The following CTNNAL1 variants were observed in gnomAD, a reference collection of about 807,000 sequenced individuals.
The protein encoded by CTNNAL1 is alpha-catulin.
In CTNNAL1, 69 loss-of-function variants were observed where a neutral mutation model predicts 93.6. The observed-to-expected ratio is 0.74, with a 90% confidence interval of 0.61 to 0.90. CTNNAL1 has a LOEUF of 0.90. Ranked by LOEUF, CTNNAL1 falls within the 40% of genes least tolerant of loss-of-function variation. The pLI, the probability that CTNNAL1 is intolerant of heterozygous loss-of-function variation, is 0.00. For synonymous variants in CTNNAL1, 286 were observed against 305.4 expected, an observed-to-expected ratio of 0.94 and a Z score of 0.66; for missense variants, 836 against 862.0, an observed-to-expected ratio of 0.97 and a Z score of 0.38.
chr9:108,966,557 G>A (rs1052093258), intron 10 of CTNNAL1, among the ~76,000 whole-genome samples: 1 of 152,134 alleles, frequency 6.6e-6, no homozygotes, highest in Non-Finnish European at 1.5e-5. Context: ...TAGGGACTTT[G>A]AGGTCCTGAG....
rs28361176 is a variant in CTNNAL1, at chr9:108,948,096, C to A, written c.1884+90G>T. On this transcript the variant is annotated intron_variant, in intron 15 of 18. Coordinates refer to ENST00000325551, the MANE Select transcript of CTNNAL1 (RefSeq NM_003798.4). ...AGGTAGGTACAGATGTAAGCATATA[C>A]ACATGATATAATAAATCATCTGGAA... 3.8e-5 allele frequency: 54 copies of A among 1,407,260 alleles called. 2 individuals carry two copies. The South Asian group carries it at 6.0e-4, about 16-fold the overall frequency. 87.2% of individuals were successfully genotyped at this position (1,407,260 alleles called of 1,614,324 possible). A position where few individuals can be genotyped will look rare whatever the true frequency, so the allele number is the denominator to read the frequency against.
At chr9:108,991,891 T>C (rs142208674) in intron 3 of CTNNAL1, 170 of 601,678 alleles carry the variant, frequency 2.8e-4, no homozygotes, top group African/African-American at 2.4e-3. Flanking sequence ...CAGATGATCA[T>C]GGAGCATGAC....
In CTNNAL1 at chr9:108,979,396, A is replaced by G. The variant is rs1831359187; in HGVS notation, c.986T>C (p.Met329Thr). Residue 329 changes from methionine (M) to threonine (T), a missense_variant, in exon 7 of 19, where the codon ATG (methionine) becomes ACG (threonine). By Grantham distance (81) the Met-to-Thr change is moderately conservative. Coordinates refer to ENST00000325551, the MANE Select transcript of CTNNAL1 (RefSeq NM_003798.4). Reference protein sequence around the residue: ...SVTLEVILERMEDFTDSAYTS... With the variant: ...SVTLEVILERTEDFTDSAYTS... ...GTAGGCAGAATCAGTAAAGTCCTCC[A>G]TACGCTCCAAGATGACTTCCAATGT... 2 of 1,614,112 alleles carry G rather than the reference A, an allele frequency of 1.2e-6. No individual in the cohort carries two copies. The highest frequency in any genetic ancestry group is 1.6e-4 in the Middle Eastern group (1 of 6,062).
intron 8 of CTNNAL1, 31 bp from the exon 9 acceptor site, chr9:108,972,864 G>GGGGGGGCGCCCCC: frequency 4.2e-5 from 6 of 142,564 alleles, no homozygotes; most frequent in South Asian, 1.2e-4. Flanking sequence ...GGGGGGGTGG[G>GGGGGGGCGCCCCC]AGGGTGGAGA....
rs548650160 is a variant in CTNNAL1, at chr9:108,952,300, C to T, written c.1744G>A (p.Glu582Lys). Residue 582 changes from glutamate to lysine, a missense_variant, in exon 14 of 19, where the codon GAA becomes AAA. Glu to Lys is a moderately conservative substitution (Grantham distance 56). Transcript: ENST00000325551. ...TCCTGATCTTCCCACTTCTCAATTTCGCAGTCAGCGTCAGAGGTGAGCAAA... is the reference window on the plus strand; with the variant it reads ...TCCTGATCTTCCCACTTCTCAATTTTGCAGTCAGCGTCAGAGGTGAGCAAA... ...LGLLTSDADC[E>K]IEKWEDQENE... 29 of 1,614,192 alleles carry T rather than the reference C, an allele frequency of 1.8e-5. No individual in the cohort carries two copies. The highest frequency in any genetic ancestry group is 4.5e-5 in the East Asian group (2 of 44,874).
intron 6 of CTNNAL1, among the ~76,000 whole-genome samples, chr9:108,982,870 G>C (rs1274678289): frequency 2.0e-5 from 3 of 152,168 alleles, no homozygotes; most frequent in Non-Finnish European, 4.4e-5. Flanking sequence ...CTGAAGTCAG[G>C]AGTTTGAGAC....
chr9:108,995,584 A>G (rs943418560), intron 2 of CTNNAL1, among the ~76,000 whole-genome samples: 1 of 152,210 alleles, frequency 6.6e-6, no homozygotes, highest in African/African-American at 2.4e-5. Context: ...TTAATTTATT[A>G]TATGTCATTA....
At chr9:108,998,387 G>GT (rs1832100209) in intron 2 of CTNNAL1, among the ~76,000 whole-genome samples, 1 of 144,146 alleles carries the variant, frequency 6.9e-6, no homozygotes, top group African/African-American at 2.5e-5. Context: ...CTCTTACCTT[G>GT]CTTTTTTTTT....
At chr9:108,952,591 CAA>C in intron 12 of CTNNAL1, 97 bp from the exon 13 acceptor site, 1 of 1,464,820 alleles carries the variant, frequency 6.8e-7, no homozygotes, top group Non-Finnish European at 9.3e-7. Context: ...GTACTTGTAA[CAA>C]AAGTTTAAAA....
intron 1 of CTNNAL1, among the ~76,000 whole-genome samples, chr9:109,008,152 C>CTT (rs149753320): frequency 0.013 from 1,072 of 85,296 alleles, 5 homozygotes; most frequent in African/African-American, 0.014. Context: ...ATCCATCTTT[C>CTT]TTTTTTTTTT....
At chr9:108,983,987 A>G (rs2282206) in intron 5 of CTNNAL1, among the ~76,000 whole-genome samples, 54,463 of 152,022 alleles carry the variant, frequency 0.36, 10,033 homozygotes, top group Admixed American at 0.45. Context: ...TTCTTACTCC[A>G]CTGTATTTAA....
chr9:108,984,358 TGA>T lies in CTNNAL1; in HGVS notation c.716_717del (p.Leu239HisfsTer11). On this transcript the variant is annotated frameshift_variant, in exon 5 of 19. Transcript: ENST00000325551. LOFTEE classifies it high-confidence loss of function. ...CAAAATTGTCTTACCTTTGAAGCTG[TGA>T]GAAGCATCATTGTACACTTTTCAAG... ...AVLEKCTMML[L>X]TASKTCLRHP... 6.2e-7 allele frequency: 1 copy of T among 1,603,688 alleles called. No individual in the cohort carries two copies. Among genetic ancestry groups the T allele is most frequent in the Non-Finnish European group, 8.5e-7 (1 of 1,171,714 alleles).
chr9:108,989,484 A>T (rs1291625990), intron 4 of CTNNAL1, among the ~76,000 whole-genome samples: 1 of 152,178 alleles, frequency 6.6e-6, no homozygotes, highest in Non-Finnish European at 1.5e-5. Flanking sequence ...AACCAATGCC[A>T]TTATTTAGCC....
intron 15 of CTNNAL1, among the ~76,000 whole-genome samples, chr9:108,947,217 C>T (rs1217544744): frequency 6.6e-6 from 1 of 151,682 alleles, no homozygotes; most frequent in Non-Finnish European, 1.5e-5. Flanking sequence ...GGGTTCACGC[C>T]ACTCTCCTGC....
intron 15 of CTNNAL1, among the ~76,000 whole-genome samples, chr9:108,947,270 C>T (rs929705990): frequency 1.7e-4 from 26 of 152,096 alleles, no homozygotes; most frequent in Admixed American, 1.2e-3. Context: ...CCCGCCACCA[C>T]ACCCAGCGAA....
At chr9:109,007,664 G>A (rs2132221212) in intron 1 of CTNNAL1, among the ~76,000 whole-genome samples, 2 of 152,246 alleles carry the variant, frequency 1.3e-5, no homozygotes, top group East Asian at 3.9e-4. Flanking sequence ...TCAAGAAAAT[G>A]TCTGAATTAT....
chr9:108,951,178 CTT>C (rs75266025), intron 14 of CTNNAL1, among the ~76,000 whole-genome samples: 12 of 137,158 alleles, frequency 8.7e-5, no homozygotes, highest in Non-Finnish European at 9.6e-5. Context: ...GCCCGGCTAA[CTT>C]TTTTTTTTTT....
chr9:108,944,596 G>A (rs1186904179), intron 15 of CTNNAL1, among the ~76,000 whole-genome samples: 1 of 152,130 alleles, frequency 6.6e-6, no homozygotes, highest in Admixed American at 6.5e-5. Context: ...GAAGTAGAGT[G>A]AAAAAGAAGG....
chr9:108,956,769 T>C (rs536540782), intron 11 of CTNNAL1, among the ~76,000 whole-genome samples: 31 of 152,278 alleles, frequency 2.0e-4, no homozygotes, highest in African/African-American at 7.5e-4. Flanking sequence ...ATTTAAAATT[T>C]CATCTAGAAC....
Sources: allele counts gnomAD v4.1 joint callset (sites outside exome capture counted in the v4.1 genomes callset), GRCh38; gene constraint gnomAD v4.1.1; transcripts MANE v1.5; gene names NCBI Gene and HGNC (gene_info 2026-07-23, HGNC 2026-07-21).